NAALADL2: variants seen among roughly 807,000 people sequenced by gnomAD.
NAALADL2 encodes the protein inactive N-acetylated-alpha-linked acidic dipeptidase-like protein 2.
Under a neutral mutation model 87.2 loss-of-function variants are expected in NAALADL2, and 76 were observed. That is an observed-to-expected ratio of 0.87 (90% CI 0.72 to 1.05). NAALADL2 has a LOEUF of 1.05. Ranked by LOEUF, NAALADL2 falls within the 50% of genes least tolerant of loss-of-function variation. The pLI, the probability that NAALADL2 is intolerant of heterozygous loss-of-function variation, is 0.00. For missense variants in NAALADL2, 1,089 were observed against 945.8 expected (o/e 1.15, Z -1.99); for synonymous variants, 354 against 331.0 (o/e 1.07, Z -0.75).
intron 13 of NAALADL2, among the ~76,000 whole-genome samples, chr3:175,791,410 G>A (rs763827698): frequency 3.3e-5 from 5 of 152,182 alleles, no homozygotes; most frequent in Admixed American, 1.3e-4. Context: ...TTGAGCTAGG[G>A]TAAAGGCATG....
At chr3:175,259,907 A>G (rs1750723597) in intron 4 of NAALADL2, among the ~76,000 whole-genome samples, 1 of 152,088 alleles carries the variant, frequency 6.6e-6, no homozygotes, top group African/African-American at 2.4e-5. Context: ...GCGCACCTAT[A>G]ATGCCAGCTA....
At chr3:175,323,512 G>A (rs549744759) in intron 4 of NAALADL2, among the ~76,000 whole-genome samples, 1 of 151,770 alleles carries the variant, frequency 6.6e-6, no homozygotes, top group Non-Finnish European at 1.5e-5. Context: ...AGAACCTTAT[G>A]TATGGTAGAT....
intron 1 of NAALADL2, chr3:174,536,693 C>G (rs890485457): frequency 1.3e-5 from 2 of 152,092 alleles, no homozygotes; most frequent in South Asian, 4.1e-4. Context: ...GGTAAGCCCT[C>G]TATTGGTGAC....
At chr3:175,610,967 T>C (rs1724565722) in intron 10 of NAALADL2, among the ~76,000 whole-genome samples, 1 of 152,064 alleles carries the variant, frequency 6.6e-6, no homozygotes, top group African/African-American at 2.4e-5. Flanking sequence ...AATAGCACTC[T>C]GAAGGTGATA....
rs367903185 is a variant in NAALADL2 at position 174,859,928 on chromosome 3, CAG to C, written c.43+479_43+480del. ...TAACCACTTTTTAAAAGGTAGAAAACAGGGGAACATGGGCGAGCCTATCAGTT... is the reference window on the plus strand; with the variant it reads ...TAACCACTTTTTAAAAGGTAGAAAACGGGAACATGGGCGAGCCTATCAGTT... On this transcript the variant is annotated intron_variant, in intron 1 of 13. Coordinates refer to ENST00000454872, the MANE Select transcript of NAALADL2 (RefSeq NM_207015.3). Among the ~76,000 whole-genome samples the C allele has an allele frequency of 1.2e-3, 189 of 152,066 alleles. 1 individual carries two copies. In the East Asian group the frequency reaches 0.017, roughly 13 times the overall value.
At chr3:175,536,066 C>G (rs1276112104) in intron 9 of NAALADL2, among the ~76,000 whole-genome samples, 1 of 152,202 alleles carries the variant, frequency 6.6e-6, no homozygotes, top group Non-Finnish European at 1.5e-5. Flanking sequence ...CAACCATCTG[C>G]ACATGGGCTT....
intron 1 of NAALADL2, among the ~76,000 whole-genome samples, chr3:174,441,259 G>T (rs1714588464): frequency 6.6e-6 from 1 of 152,046 alleles, no homozygotes; most frequent in South Asian, 2.1e-4. Context: ...GCGACTCCGC[G>T]GGGTGGCGCG....
At chr3:174,888,112 G>A (rs1041173020) in intron 1 of NAALADL2, among the ~76,000 whole-genome samples, 5 of 152,080 alleles carry the variant, frequency 3.3e-5, no homozygotes, top group African/African-American at 7.2e-5. Context: ...TGAGGATCAC[G>A]GGAAAAAAGT....
intron 2 of NAALADL2, among the ~76,000 whole-genome samples, chr3:174,733,691 T>A (rs1732920740): frequency 6.6e-6 from 1 of 152,200 alleles, no homozygotes; most frequent in Non-Finnish European, 1.5e-5. Flanking sequence ...CTAACACAAG[T>A]ATTGCCATGG....
At chr3:174,558,608 A>G (rs1003041134) in intron 2 of NAALADL2, among the ~76,000 whole-genome samples, 1 of 152,024 alleles carries the variant, frequency 6.6e-6, no homozygotes, top group African/African-American at 2.4e-5. Context: ...CTGAAAATCT[A>G]ACGCTGCCGC....
chr3:175,528,102 A>G (rs914799727), intron 9 of NAALADL2, among the ~76,000 whole-genome samples: 1 of 152,132 alleles, frequency 6.6e-6, no homozygotes, highest in Admixed American at 6.6e-5. Context: ...GTGAAAGAAA[A>G]TTCTGAATTA....
chr3:175,275,711 C>T (rs1457408244), intron 4 of NAALADL2, among the ~76,000 whole-genome samples: 1 of 151,866 alleles, frequency 6.6e-6, no homozygotes, highest in African/African-American at 2.4e-5. Flanking sequence ...CAAAATTTAA[C>T]CAATATAAAA....
intron 9 of NAALADL2, among the ~76,000 whole-genome samples, chr3:175,538,156 A>G (rs905230500): frequency 6.6e-6 from 1 of 152,162 alleles, no homozygotes. Context: ...TTCTGAAAAT[A>G]TCGTGTTTAC....
intron 3 of NAALADL2, chr3:175,242,250 G>A (rs1000751948): frequency 4.6e-5 from 7 of 152,058 alleles, no homozygotes; most frequent in Non-Finnish European, 7.4e-5. Flanking sequence ...CAGTGTTTTC[G>A]TTTTTATTTC....
intron 2 of NAALADL2, among the ~76,000 whole-genome samples, chr3:175,160,236 G>A (rs908930998): frequency 2.6e-5 from 4 of 151,446 alleles, no homozygotes; most frequent in Admixed American, 6.6e-5. Flanking sequence ...CCCAATATTA[G>A]CTACCAATTT....
At chr3:174,894,318 C>A (rs1731226198) in intron 1 of NAALADL2, among the ~76,000 whole-genome samples, 1 of 152,020 alleles carries the variant, frequency 6.6e-6, no homozygotes, top group Non-Finnish European at 1.5e-5. Context: ...AGGCCGGGCA[C>A]AATGGCTCAC....
chr3:174,531,791 C>T (rs896351499), intron 1 of NAALADL2, among the ~76,000 whole-genome samples: 7 of 152,064 alleles, frequency 4.6e-5, no homozygotes, highest in South Asian at 2.1e-4. Flanking sequence ...GCTGGGCCTA[C>T]GGATTACCTG....
chr3:175,294,157 G>A (rs1417015341), intron 4 of NAALADL2, among the ~76,000 whole-genome samples: 1 of 152,192 alleles, frequency 6.6e-6, no homozygotes, highest in Non-Finnish European at 1.5e-5. Context: ...AATATAGCCA[G>A]TAAAGCAGAA....
chr3:175,556,491 A>G (rs981982020), intron 9 of NAALADL2, among the ~76,000 whole-genome samples: 3 of 152,216 alleles, frequency 2.0e-5, no homozygotes, highest in African/African-American at 7.2e-5. Context: ...ATAGCTCTCA[A>G]GCTAATAGTT....
Sources: allele counts gnomAD v4.1 joint callset (sites outside exome capture counted in the v4.1 genomes callset), GRCh38; gene constraint gnomAD v4.1.1; transcripts MANE v1.5; gene names NCBI Gene and HGNC (gene_info 2026-07-23, HGNC 2026-07-21).